The following NDST3 variants were observed in gnomAD, a reference collection of about 807,000 sequenced individuals.
NDST3 encodes the protein bifunctional heparan sulfate N-deacetylase/N-sulfotransferase 3.
NDST3 carries 58 observed loss-of-function variants against 96.1 expected under a neutral mutation model. The ratio of observed to expected loss-of-function variants is 0.60; its 90% CI spans 0.49 to 0.75. The LOEUF (loss-of-function observed/expected upper bound fraction) is 0.75. NDST3 is among the 30% of genes least tolerant of loss of function. The pLI is 0.00. For synonymous variants in NDST3, 333 were observed against 359.7 expected, an observed-to-expected ratio of 0.93 and a Z score of 0.84; for missense variants, 788 against 1,034.2, an observed-to-expected ratio of 0.76 and a Z score of 3.27.
chr4:118,036,867 G>A (rs1021754701), intron 1 of NDST3, among the ~76,000 whole-genome samples: 3 of 152,044 alleles, frequency 2.0e-5, no homozygotes, highest in Non-Finnish European at 4.4e-5. Context: ...ATTACTGAGG[G>A]CTATAATTCT....
intron 6 of NDST3, among the ~76,000 whole-genome samples, chr4:118,210,346 A>G (rs1445196855): frequency 1.3e-5 from 2 of 152,184 alleles, no homozygotes; most frequent in Non-Finnish European, 2.9e-5. Flanking sequence ...GAGATTGGCT[A>G]AAGTGGTATC....
chr4:118,198,428 C>G (rs1737842751), intron 6 of NDST3, among the ~76,000 whole-genome samples: 1 of 152,108 alleles, frequency 6.6e-6, no homozygotes, highest in Non-Finnish European at 1.5e-5. Context: ...AACAAACTAA[C>G]AAAAAGAAAA....
At chr4:118,181,320 T>C (rs1432012338) in intron 6 of NDST3, among the ~76,000 whole-genome samples, 5 of 152,004 alleles carry the variant, frequency 3.3e-5, no homozygotes, top group Admixed American at 3.3e-4. Context: ...GGAAACTGGA[T>C]GGAAGATAAA....
At chr4:118,184,602 T>TACAAACACAC (rs1553941347) in intron 6 of NDST3, among the ~76,000 whole-genome samples, 2 of 138,490 alleles carry the variant, frequency 1.4e-5, no homozygotes, top group East Asian at 4.3e-4. Context: ...TCTCTCTCTC[T>TACAAACACAC]ACACACACAC....
chr4:118,201,575 A>G (rs1738088877), intron 6 of NDST3, among the ~76,000 whole-genome samples: 1 of 152,116 alleles, frequency 6.6e-6, no homozygotes, highest in Admixed American at 6.6e-5. Flanking sequence ...GGTGACTTGT[A>G]TGACGTCTTT....
At chr4:118,217,563 T>C (rs1560724174) in intron 6 of NDST3, among the ~76,000 whole-genome samples, 2 of 152,212 alleles carry the variant, frequency 1.3e-5, no homozygotes, top group South Asian at 4.1e-4. Context: ...CTGGAGTTTG[T>C]TCATTGCCCT....
At chr4:118,101,215 T>G (rs1377421922) in intron 2 of NDST3, among the ~76,000 whole-genome samples, 1 of 152,062 alleles carries the variant, frequency 6.6e-6, no homozygotes, top group East Asian at 1.9e-4. Flanking sequence ...CTTCATCTAT[T>G]TGATTTATTC....
intron 2 of NDST3, among the ~76,000 whole-genome samples, chr4:118,080,139 T>C (rs1285823718): frequency 6.6e-6 from 1 of 152,118 alleles, no homozygotes; most frequent in Non-Finnish European, 1.5e-5. Context: ...GCCTTACGGA[T>C]TAAATTAATA....
chr4:118,249,250 T>C (rs1179841429), intron 12 of NDST3, among the ~76,000 whole-genome samples: 2 of 152,238 alleles, frequency 1.3e-5, no homozygotes, highest in African/African-American at 4.8e-5. Flanking sequence ...CAGCAAGGTA[T>C]ATTAGCAAAA....
At chr4:118,095,165 T>C (rs1242556294) in intron 2 of NDST3, among the ~76,000 whole-genome samples, 4 of 151,824 alleles carry the variant, frequency 2.6e-5, no homozygotes, top group African/African-American at 7.3e-5. Flanking sequence ...AGTAAGGAAG[T>C]AAACCACATG....
intron 2 of NDST3, among the ~76,000 whole-genome samples, chr4:118,058,341 A>G (rs1725601007): frequency 6.6e-6 from 1 of 151,620 alleles, no homozygotes; most frequent in Admixed American, 6.6e-5. Context: ...TAGATGTTGA[A>G]TAATATGAGT....
chr4:118,247,115 T>C lies in NDST3; in HGVS notation c.2399+4966T>C, dbSNP rs761793478. On this transcript the variant is annotated intron_variant, in intron 12 of 13. Coordinates refer to ENST00000296499, the MANE Select transcript of NDST3 (RefSeq NM_004784.3). ...TCCATAAAAGCTAGTAAGGGAATGA[T>C]AGCATTATTCATAATAGCTAAAAAC... Among the ~76,000 whole-genome samples, 17 of 151,488 alleles carry C rather than the reference T, an allele frequency of 1.1e-4. 1 individual carries two copies. The highest frequency in any genetic ancestry group is 6.2e-4 in the South Asian group (3 of 4,808).
intron 6 of NDST3, among the ~76,000 whole-genome samples, chr4:118,181,455 C>T (rs1036119703): frequency 2.0e-5 from 3 of 151,854 alleles, no homozygotes; most frequent in Non-Finnish European, 2.9e-5. Flanking sequence ...AAAATAATGC[C>T]GACAAGAAAG....
At chr4:118,084,078 G>C (rs1446909860) in intron 2 of NDST3, among the ~76,000 whole-genome samples, 3 of 152,102 alleles carry the variant, frequency 2.0e-5, no homozygotes, top group African/African-American at 7.2e-5. Flanking sequence ...GAAATGACAA[G>C]ATGTAATTCA....
intron 3 of NDST3, among the ~76,000 whole-genome samples, chr4:118,106,050 T>C (rs1730156533): frequency 6.6e-6 from 1 of 152,196 alleles, no homozygotes; most frequent in African/African-American, 2.4e-5. Context: ...TACATTTCTC[T>C]GAAGAGCAGT....
intron 6 of NDST3, among the ~76,000 whole-genome samples, chr4:118,167,264 A>G (rs1445006505): frequency 2.0e-5 from 3 of 151,840 alleles, no homozygotes; most frequent in African/African-American, 7.2e-5. Flanking sequence ...TGTTTCACTA[A>G]CCACAAACTA....
At chr4:118,159,425 T>C (rs1252841058) in intron 6 of NDST3, among the ~76,000 whole-genome samples, 2 of 152,212 alleles carry the variant, frequency 1.3e-5, no homozygotes, top group Admixed American at 6.5e-5. Flanking sequence ...CAGAATCTCT[T>C]ACTTGGCTGA....
At chr4:118,144,686 G>C (rs1040620583) in intron 6 of NDST3, among the ~76,000 whole-genome samples, 31 of 152,094 alleles carry the variant, frequency 2.0e-4, no homozygotes, top group Middle Eastern at 3.4e-3. Context: ...GAAGATGTAT[G>C]GGTTTGCCCT....
At chr4:118,177,849 G>A (rs770145108) in intron 6 of NDST3, among the ~76,000 whole-genome samples, 1 of 151,856 alleles carries the variant, frequency 6.6e-6, no homozygotes, top group Non-Finnish European at 1.5e-5. Flanking sequence ...ATCATGATTC[G>A]GTTAGGTGAA....
Sources: gnomAD v4.1 joint callset for allele counts (sites outside exome capture counted in the v4.1 genomes callset) on GRCh38, gnomAD v4.1.1 for gene constraint, MANE v1.5 for transcripts, NCBI Gene and HGNC (gene_info 2026-07-23, HGNC 2026-07-21) for gene names.